Variants in NDFIP2 observed in about 807,000 individuals in gnomAD.
NDFIP2 encodes the protein Nedd4 family interacting protein 2, also known as NEDD4 family-interacting protein 2.
NDFIP2 carries 19 observed loss-of-function variants against 36.0 expected under a neutral mutation model. That is an observed-to-expected ratio of 0.53 (90% CI 0.37 to 0.77). NDFIP2 has a LOEUF of 0.77. NDFIP2 is among the 30% of genes least tolerant of loss of function. The pLI, the probability that NDFIP2 is intolerant of heterozygous loss-of-function variation, is 0.00. For missense variants in NDFIP2, 446 were observed against 435.8 expected (o/e 1.02, Z -0.21); for synonymous variants, 181 against 167.7 (o/e 1.08, Z -0.61).
intron 1 of NDFIP2, among the ~76,000 whole-genome samples, chr13:79,516,128 G>A (rs1485026650): frequency 6.6e-6 from 1 of 152,110 alleles, no homozygotes; most frequent in African/African-American, 2.4e-5. Flanking sequence ...AAAAACAGGT[G>A]TATGCTCACT....
chr13:79,519,523 A>C (rs183414791), intron 1 of NDFIP2, among the ~76,000 whole-genome samples: 2 of 152,224 alleles, frequency 1.3e-5, no homozygotes, highest in East Asian at 3.9e-4. Context: ...CTTGGCTTTA[A>C]TTCCTTACTC....
At chr13:79,498,425 G>A (rs566080499) in intron 1 of NDFIP2, among the ~76,000 whole-genome samples, 49 of 151,988 alleles carry the variant, frequency 3.2e-4, no homozygotes, top group African/African-American at 1.2e-3. Flanking sequence ...AAAACAGAAA[G>A]CACCAGTCCT....
At chr13:79,514,581 CT>C (rs1261124967) in intron 1 of NDFIP2, among the ~76,000 whole-genome samples, 6 of 152,152 alleles carry the variant, frequency 3.9e-5, no homozygotes, top group Non-Finnish European at 8.8e-5. Flanking sequence ...TTCCTCAGAA[CT>C]TGATTTTAAA....
At chr13:79,519,742 C>T (rs1042545995) in intron 1 of NDFIP2, among the ~76,000 whole-genome samples, 4 of 152,126 alleles carry the variant, frequency 2.6e-5, no homozygotes, top group Non-Finnish European at 5.9e-5. Context: ...AGAGCATTTG[C>T]TAGAATTTTA....
At chr13:79,546,886 A>T (rs1875701523) in intron 5 of NDFIP2, among the ~76,000 whole-genome samples, 1 of 152,096 alleles carries the variant, frequency 6.6e-6, no homozygotes, top group Non-Finnish European at 1.5e-5. Context: ...ACTGTTAATC[A>T]CTTGACTAAA....
intron 2 of NDFIP2, among the ~76,000 whole-genome samples, chr13:79,532,913 G>T (rs1042884117): frequency 1.3e-5 from 2 of 152,180 alleles, no homozygotes; most frequent in African/African-American, 2.4e-5. Context: ...TTAGTATTAT[G>T]TAAATGTTTG....
intron 1 of NDFIP2, among the ~76,000 whole-genome samples, chr13:79,491,152 T>C (rs1202665182): frequency 1.3e-5 from 2 of 152,178 alleles, no homozygotes; most frequent in East Asian, 3.8e-4. Flanking sequence ...CTCATGGTGG[T>C]AGAGAGATTT....
intron 1 of NDFIP2, among the ~76,000 whole-genome samples, chr13:79,517,553 TTAAAG>T (rs1874399145): frequency 6.6e-6 from 1 of 152,230 alleles, no homozygotes; most frequent in Non-Finnish European, 1.5e-5. Flanking sequence ...AGAATTTTAT[TTAAAG>T]TAAATTGAAA....
At chr13:79,548,823 C>T (rs1328229551) in intron 6 of NDFIP2, among the ~76,000 whole-genome samples, 1 of 151,960 alleles carries the variant, frequency 6.6e-6, no homozygotes, top group African/African-American at 2.4e-5. Flanking sequence ...AATCATTAAT[C>T]AGCCAGGCAT....
rs1876050393 is a variant in NDFIP2, at chr13:79,554,879, C to T, written c.*2366C>T. Reference sequence around the variant, plus strand: ...ATTATTTCTATTGTAAATGAATAAGCTAGTCATGGCTAGGATAATCCATTT... The same window carrying T: ...ATTATTTCTATTGTAAATGAATAAGTTAGTCATGGCTAGGATAATCCATTT... On this transcript the variant is annotated 3_prime_UTR_variant, in exon 8 of 8. Coordinates refer to ENST00000218652, the MANE Select transcript of NDFIP2 (RefSeq NM_019080.3). 1 of 151,786 alleles carries T rather than the reference C, an allele frequency of 6.6e-6. No homozygotes were observed. Among genetic ancestry groups the T allele is most frequent in the African/African-American group, 2.4e-5 (1 of 41,360 alleles). The allele number at this position is 151,786 out of a possible 1,614,324, so 9.4% of individuals were successfully genotyped here.
chr13:79,511,865 C>T (rs1283114240), intron 1 of NDFIP2, among the ~76,000 whole-genome samples: 1 of 152,178 alleles, frequency 6.6e-6, no homozygotes, highest in African/African-American at 2.4e-5. Context: ...GAAAGCAGCA[C>T]AGACTTGCAA....
At chr13:79,488,319 T>G (rs964525562) in intron 1 of NDFIP2, among the ~76,000 whole-genome samples, 1 of 152,136 alleles carries the variant, frequency 6.6e-6, no homozygotes, top group Admixed American at 6.5e-5. Context: ...AGATTAAAAT[T>G]TCTCTTGCTA....
At chr13:79,486,098 C>T (rs1272501710) in intron 1 of NDFIP2, among the ~76,000 whole-genome samples, 1 of 152,110 alleles carries the variant, frequency 6.6e-6, no homozygotes, top group Non-Finnish European at 1.5e-5. Flanking sequence ...TAGTCACGTT[C>T]ATCTTTGGGT....
At chr13:79,515,965 A>C (rs1874304055) in intron 1 of NDFIP2, among the ~76,000 whole-genome samples, 1 of 146,898 alleles carries the variant, frequency 6.8e-6, no homozygotes, top group South Asian at 2.1e-4. Flanking sequence ...ATAGTATCTT[A>C]GAGTTAGAAG....
chr13:79,496,815 A>G (rs1279173707), intron 1 of NDFIP2, among the ~76,000 whole-genome samples: 2 of 151,846 alleles, frequency 1.3e-5, no homozygotes, highest in Non-Finnish European at 2.9e-5. Context: ...CATTGATCCC[A>G]TTAGTGAATT....
intron 1 of NDFIP2, among the ~76,000 whole-genome samples, chr13:79,509,527 TG>T (rs1873994314): frequency 6.6e-6 from 1 of 152,160 alleles, no homozygotes; most frequent in East Asian, 1.9e-4. Context: ...AGGTCTGTTT[TG>T]ATTTTAATGG....
intron 3 of NDFIP2, among the ~76,000 whole-genome samples, chr13:79,537,257 G>A (rs1045513599): frequency 2.6e-5 from 4 of 151,918 alleles, no homozygotes; most frequent in African/African-American, 9.7e-5. Context: ...ACAGGAGCAC[G>A]CCACCACATC....
intron 2 of NDFIP2, among the ~76,000 whole-genome samples, chr13:79,529,510 C>T (rs1456811881): frequency 6.6e-6 from 1 of 152,138 alleles, no homozygotes; most frequent in East Asian, 1.9e-4. Context: ...TTTGCTTCTA[C>T]TCTTTTAAAA....
chr13:79,512,432 T>C (rs552406961), intron 1 of NDFIP2, among the ~76,000 whole-genome samples: 1 of 151,994 alleles, frequency 6.6e-6, no homozygotes, highest in East Asian at 1.9e-4. Flanking sequence ...ACCAATAGTA[T>C]GTGGCACTGG....
Sources: allele counts gnomAD v4.1 joint callset (sites outside exome capture counted in the v4.1 genomes callset), GRCh38; gene constraint gnomAD v4.1.1; transcripts MANE v1.5; gene names NCBI Gene and HGNC (gene_info 2026-07-23, HGNC 2026-07-21).